MYPN: variants seen among roughly 807,000 people sequenced by gnomAD.
MYPN encodes myopalladin.
Under a neutral mutation model 129.4 loss-of-function variants are expected in MYPN, and 63 were observed. That is an observed-to-expected ratio of 0.49 (90% CI 0.40 to 0.60). MYPN has a LOEUF of 0.60. MYPN is among the 20% of genes least tolerant of loss of function. The probability of loss-of-function intolerance (pLI) is 0.00; values close to 1 mark genes in which losing one functional copy is unlikely to be tolerated. For synonymous variants in MYPN, 629 were observed against 600.9 expected (o/e 1.05, Z -0.68); for missense variants, 1,596 against 1,635.4 (o/e 0.98, Z 0.42).
rs752821262 is a variant in MYPN at position 68,175,293 on chromosome 10, G to T, written c.2565-30G>T. On this transcript the variant is annotated intron_variant, in intron 11 of 19. Coordinates refer to ENST00000358913, the MANE Select transcript of MYPN (RefSeq NM_032578.4). Reference sequence around the variant, plus strand: ...TTTTACCCTGGCCAGTGCTTTTCATGGGTGTGTCAGGTGTGGATTTATCTT... The same window carrying T: ...TTTTACCCTGGCCAGTGCTTTTCATTGGTGTGTCAGGTGTGGATTTATCTT... The T allele has an allele frequency of 1.2e-6, 2 of 1,613,350 alleles. No homozygotes were observed. Among genetic ancestry groups the T allele is most frequent in the East Asian group, 2.2e-5 (1 of 44,856 alleles).
upstream of MYPN, among the ~76,000 whole-genome samples, chr10:68,104,818 C>T (rs936479566): frequency 6.6e-6 from 1 of 152,106 alleles, no homozygotes; most frequent in East Asian, 1.9e-4. Context: ...GAGTCTCACT[C>T]TGTCGCCCAG....
At chr10:68,146,427 T>G (rs1162727294) in intron 4 of MYPN, among the ~76,000 whole-genome samples, 4 of 152,206 alleles carry the variant, frequency 2.6e-5, no homozygotes, top group Non-Finnish European at 4.4e-5. Context: ...GTGGCTCCCA[T>G]AATGTGTTAC....
At chr10:68,186,698 A>G (rs2043426875) in intron 12 of MYPN, among the ~76,000 whole-genome samples, 1 of 152,216 alleles carries the variant, frequency 6.6e-6, no homozygotes. Flanking sequence ...CTCACCTGCC[A>G]TGGTGCAGGT....
At chr10:68,092,324 G>A (rs1397489791) in intron 1 of MYPN, among the ~76,000 whole-genome samples, 3 of 152,086 alleles carry the variant, frequency 2.0e-5, no homozygotes, top group Admixed American at 2.0e-4. Flanking sequence ...GTGAAAACCT[G>A]CCTCTACTAA....
At chr10:68,149,927 G>GT in intron 5 of MYPN, 113 bp from the exon 6 acceptor site, 1 of 908,698 alleles carries the variant, frequency 1.1e-6, no homozygotes, top group Non-Finnish European at 1.8e-6. Context: ...GAATACATCA[G>GT]TTTTTTGGTT....
chr10:68,111,499 C>T (rs1405744603), intron 1 of MYPN, among the ~76,000 whole-genome samples: 1 of 152,116 alleles, frequency 6.6e-6, no homozygotes, highest in Non-Finnish European at 1.5e-5. Flanking sequence ...GTTTTCCCCT[C>T]TCCTAGGGGA....
intron 1 of MYPN, among the ~76,000 whole-genome samples, chr10:68,120,906 T>A (rs2042231239): frequency 6.6e-6 from 1 of 152,184 alleles, no homozygotes; most frequent in Non-Finnish European, 1.5e-5. Flanking sequence ...ATCATCCAGG[T>A]CTTTATTTTC....
intron 1 of MYPN, among the ~76,000 whole-genome samples, chr10:68,097,988 G>A (rs568873783): frequency 7.9e-5 from 12 of 152,340 alleles, no homozygotes; most frequent in African/African-American, 2.9e-4. Flanking sequence ...GCTCATGCCT[G>A]TAATCCTAGC....
intron 2 of MYPN, among the ~76,000 whole-genome samples, chr10:68,139,944 A>T (rs1273475548): frequency 6.6e-6 from 1 of 152,218 alleles, no homozygotes; most frequent in Non-Finnish European, 1.5e-5. Context: ...AAACAAGTAT[A>T]TAAGACAATT....
At chr10:68,123,683 C>CAATAAATAAATAAATA (rs58776013) in intron 2 of MYPN, among the ~76,000 whole-genome samples, 28 of 139,660 alleles carry the variant, frequency 2.0e-4, no homozygotes, top group Admixed American at 5.1e-4. Context: ...GAGACTCCTT[C>CAATAAATAAATAAATA]AATAAATAAA....
intron 10 of MYPN, among the ~76,000 whole-genome samples, chr10:68,173,187 G>A (rs919687059): frequency 6.6e-6 from 1 of 152,204 alleles, no homozygotes; most frequent in South Asian, 2.1e-4. Context: ...TTGTTATCGC[G>A]AGAGAATGAG....
chr10:68,194,619 A>C, intron 14 of MYPN, 107 bp downstream of exon 14: 2 of 1,258,238 alleles, frequency 1.6e-6, no homozygotes, highest in Non-Finnish European at 2.3e-6. Context: ...TGCTGAGGAA[A>C]ATGAATGAGA....
At chr10:68,095,801 TA>T (rs2041953973) in intron 1 of MYPN, among the ~76,000 whole-genome samples, 1 of 152,172 alleles carries the variant, frequency 6.6e-6, no homozygotes, top group South Asian at 2.1e-4. Context: ...TACAGAGGTT[TA>T]ATTTTGCGAG....
At chr10:68,157,859 CA>C (rs1554844008) in intron 6 of MYPN, among the ~76,000 whole-genome samples, 3 of 144,554 alleles carry the variant, frequency 2.1e-5, no homozygotes, top group East Asian at 2.0e-4. Context: ...AACAAACAAA[CA>C]AAAAAAAACA....
In MYPN at chr10:68,122,149, A is replaced by C. The variant is rs2042253748; in HGVS notation, c.711A>C (p.Glu237Asp). Reference sequence around the variant, plus strand: ...AACAGCAGGAAGCCAAGAGGCGTGAAGCGGAGCAGGCTGCCAGTGAGGCGG... The same window carrying C: ...AACAGCAGGAAGCCAAGAGGCGTGACGCGGAGCAGGCTGCCAGTGAGGCGG... ...ALEQQEAKRREAEQAASEAAG... is the reference protein window; with the variant it reads ...ALEQQEAKRRDAEQAASEAAG... Residue 237 changes from glutamate (E) to aspartate (D), a missense_variant, in exon 2 of 20, where the codon GAA becomes GAC. Coordinates refer to ENST00000358913, the MANE Select transcript of MYPN (RefSeq NM_032578.4). 1.9e-6 allele frequency: 3 copies of C among 1,613,008 alleles called. No homozygotes were observed. Among genetic ancestry groups the C allele is most frequent in the Non-Finnish European group, 1.7e-6 (2 of 1,179,264 alleles).
At chr10:68,109,194 A>G (rs2042047940), upstream of MYPN, 2 of 174,698 alleles carry the variant, frequency 1.1e-5, no homozygotes, top group Non-Finnish European at 2.5e-5. Context: ...ATTGATTAAA[A>G]TTAAAGATCT....
At position 68,189,132 on chromosome 10, in the gene MYPN, G is replaced by A; in HGVS notation, c.2925+6G>A. 3 of 1,610,896 alleles carry A rather than the reference G, an allele frequency of 1.9e-6. No individual in the cohort carries two copies. Among genetic ancestry groups the A allele is most frequent in the Non-Finnish European group, 2.5e-6 (3 of 1,177,222 alleles). ...TTGGGATACCTGTTCCAAAGGTAGG[G>A]AAGATGACAAGCCAGTTGGCCACCT... On this transcript the variant is annotated splice_donor_region_variant and intron_variant, in intron 13 of 19. Coordinates refer to ENST00000358913, the MANE Select transcript of MYPN (RefSeq NM_032578.4).
chr10:68,136,622 A>G, intron 2 of MYPN: 2 of 1,528,406 alleles, frequency 1.3e-6, no homozygotes, highest in Non-Finnish European at 1.7e-6. Context: ...CATCCTGGCC[A>G]TCTGAGTAAG....
upstream of MYPN, among the ~76,000 whole-genome samples, chr10:68,102,719 A>G (rs2133946905): frequency 6.6e-6 from 1 of 152,132 alleles, no homozygotes; most frequent in African/African-American, 2.4e-5. Flanking sequence ...CTCTTGGAAT[A>G]TTTTCTTTGT....
Sources: gnomAD v4.1 joint callset for allele counts (sites outside exome capture counted in the v4.1 genomes callset) on GRCh38, gnomAD v4.1.1 for gene constraint, MANE v1.5 for transcripts, NCBI Gene and HGNC (gene_info 2026-07-23, HGNC 2026-07-21) for gene names.